Variants in MYO6 observed in about 807,000 individuals in gnomAD.
MYO6 encodes myosin VI.
A neutral mutation model predicts 178.7 loss-of-function variants in MYO6; 74 were observed. The ratio of observed to expected loss-of-function variants is 0.41; its 90% CI spans 0.34 to 0.50. The LOEUF (loss-of-function observed/expected upper bound fraction) is 0.50, where lower values mean the gene tolerates loss of function less well. MYO6 is among the 20% of genes least tolerant of loss of function. MYO6 has a pLI of 0.09. For missense variants in MYO6, 1,330 were observed against 1,547.4 expected (o/e 0.86, Z 2.36); for synonymous variants, 477 against 504.6 (o/e 0.95, Z 0.73).
chr6:75,752,286 T>A (rs1776969504), intron 1 of MYO6, among the ~76,000 whole-genome samples: 1 of 152,194 alleles, frequency 6.6e-6, no homozygotes, highest in Non-Finnish European at 1.5e-5. Flanking sequence ...AGAGTTTAAT[T>A]ATGATACCCA....
chr6:75,814,450 G>A (rs78703318), intron 1 of MYO6, among the ~76,000 whole-genome samples: 4 of 152,140 alleles, frequency 2.6e-5, no homozygotes, highest in African/African-American at 9.7e-5. Context: ...TCAATTTGGT[G>A]TTCCTGAAGG....
intron 11 of MYO6, among the ~76,000 whole-genome samples, chr6:75,851,837 CA>C: frequency 6.6e-6 from 1 of 151,706 alleles, no homozygotes; most frequent in Middle Eastern, 3.4e-3. Flanking sequence ...ACCCTGTCTC[CA>C]AAAAAATTTG....
chr6:75,764,179 G>C (rs1384770737), intron 1 of MYO6, among the ~76,000 whole-genome samples: 2 of 152,062 alleles, frequency 1.3e-5, no homozygotes, highest in East Asian at 3.9e-4. Flanking sequence ...CAAAGTGCTG[G>C]GATTATGGAT....
chr6:75,761,135 G>A (rs981143249), intron 1 of MYO6, among the ~76,000 whole-genome samples: 3 of 152,106 alleles, frequency 2.0e-5, no homozygotes, highest in African/African-American at 7.2e-5. Flanking sequence ...TGAGAAGAAC[G>A]AAGAAAATAC....
At chr6:75,873,551 A>G (rs1386134474) in intron 20 of MYO6, among the ~76,000 whole-genome samples, 1 of 152,224 alleles carries the variant, frequency 6.6e-6, no homozygotes, top group African/African-American at 2.4e-5. Flanking sequence ...AGCCTGGGCA[A>G]CATAGCAAGA....
At chr6:75,778,409 A>G (rs1766604365) in intron 1 of MYO6, among the ~76,000 whole-genome samples, 3 of 151,820 alleles carry the variant, frequency 2.0e-5, no homozygotes, top group South Asian at 4.2e-4. Flanking sequence ...CCTGGCTAAC[A>G]TGGTGAAACC....
chr6:75,894,954 T>C (rs1583394447), intron 28 of MYO6: 3 of 757,998 alleles, frequency 4.0e-6, no homozygotes, highest in South Asian at 5.3e-5. Context: ...TGTAAAATAA[T>C]ATCCAGATTC....
At chr6:75,818,495 T>C (rs1489849327) in intron 2 of MYO6, among the ~76,000 whole-genome samples, 2 of 152,214 alleles carry the variant, frequency 1.3e-5, no homozygotes. Flanking sequence ...ATGTCCACAA[T>C]TTTTAGTTTA....
intron 4 of MYO6, 58 bp from the exon 5 acceptor site, chr6:75,830,358 T>G: frequency 6.6e-7 from 1 of 1,515,562 alleles, no homozygotes; most frequent in Non-Finnish European, 9.1e-7. Context: ...TGAGCTTTGT[T>G]TATCTTTAAA....
chr6:75,881,862 A>G (rs912249984), intron 23 of MYO6, 44 bp downstream of exon 23: 13 of 1,608,992 alleles, frequency 8.1e-6, no homozygotes, highest in African/African-American at 1.3e-5. Context: ...CATTGTTTCA[A>G]GATGGTTTGT....
At chr6:75,784,291 C>T (rs756145983) in intron 1 of MYO6, among the ~76,000 whole-genome samples, 3 of 151,340 alleles carry the variant, frequency 2.0e-5, no homozygotes, top group African/African-American at 4.9e-5. Context: ...ATATGAGTAG[C>T]CAGAGAGATC....
chr6:75,857,077 A>G lies in MYO6; in HGVS notation c.1224-20A>G. ...TGCACTATTATAAAGAATTTTTACT[A>G]GCATAGTTTTCTTTTATAGGGTACC... On this transcript the variant is annotated intron_variant, in intron 12 of 34. Transcript: ENST00000369977. The G allele has an allele frequency of 6.2e-7, 1 of 1,613,238 alleles. No homozygotes were observed. Among genetic ancestry groups the G allele is most frequent in the Non-Finnish European group, 8.5e-7 (1 of 1,179,466 alleles).
intron 1 of MYO6, among the ~76,000 whole-genome samples, chr6:75,786,521 A>G (rs1767583005): frequency 6.6e-6 from 1 of 152,258 alleles, no homozygotes; most frequent in Non-Finnish European, 1.5e-5. Context: ...ACCTAAGGTC[A>G]TAGTGTGTTG....
intron 2 of MYO6, among the ~76,000 whole-genome samples, chr6:75,819,880 C>T (rs1771700227): frequency 6.6e-6 from 1 of 152,052 alleles, no homozygotes; most frequent in African/African-American, 2.4e-5. Context: ...ATAGTGAGAC[C>T]TCATCTCTAC....
At chr6:75,768,807 G>C (rs1464867200) in intron 1 of MYO6, among the ~76,000 whole-genome samples, 1 of 152,144 alleles carries the variant, frequency 6.6e-6, no homozygotes, top group African/African-American at 2.4e-5. Context: ...GTATTAGTCT[G>C]GTTTTTGTGT....
intron 1 of MYO6, among the ~76,000 whole-genome samples, chr6:75,810,719 T>C (rs1192731841): frequency 2.0e-5 from 3 of 152,200 alleles, no homozygotes; most frequent in African/African-American, 7.2e-5. Context: ...TAAATTGATT[T>C]AGCAGGATTC....
intron 1 of MYO6, among the ~76,000 whole-genome samples, chr6:75,766,877 T>G (rs1236613985): frequency 1.3e-5 from 2 of 152,240 alleles, no homozygotes; most frequent in Non-Finnish European, 2.9e-5. Flanking sequence ...TTACCTTCTA[T>G]ACATCATTAG....
At chr6:75,911,404 A>G (rs1384035331) in intron 32 of MYO6, among the ~76,000 whole-genome samples, 2 of 151,982 alleles carry the variant, frequency 1.3e-5, no homozygotes, top group Non-Finnish European at 2.9e-5. Flanking sequence ...TGTTCCAAAA[A>G]TCACAAATGA....
intron 7 of MYO6, among the ~76,000 whole-genome samples, chr6:75,839,901 G>A (rs1030799073): frequency 6.6e-6 from 1 of 151,648 alleles, no homozygotes; most frequent in African/African-American, 2.4e-5. Flanking sequence ...CAAGAGGTTT[G>A]CTGTTTTATC....
Sources: allele counts gnomAD v4.1 joint callset (sites outside exome capture counted in the v4.1 genomes callset), GRCh38; gene constraint gnomAD v4.1.1; transcripts MANE v1.5; gene names NCBI Gene and HGNC (gene_info 2026-07-23, HGNC 2026-07-21).